The following FSIP1 variants were observed in gnomAD, a reference collection of about 807,000 sequenced individuals.
FSIP1 encodes the protein fibrous sheath interacting protein 1.
Under a neutral mutation model 60.9 loss-of-function variants are expected in FSIP1, and 65 were observed. The observed-to-expected ratio is 1.07, with a 90% CI of 0.87 to 1.31. FSIP1 has a LOEUF of 1.31. Ranked by LOEUF, FSIP1 falls within the 40% of genes most tolerant of loss-of-function variation. The pLI is 0.00. For synonymous variants in FSIP1, 209 were observed against 221.2 expected (o/e 0.94, Z 0.49); for missense variants, 675 against 665.5 (o/e 1.01, Z -0.16).
chr15:39,600,770 C>A lies in FSIP1; in HGVS notation c.*110G>T. 1 of 750,400 alleles carries A rather than the reference C, an allele frequency of 1.3e-6. No individual in the cohort carries two copies. Among genetic ancestry groups the A allele is most frequent in the Non-Finnish European group, 2.1e-6 (1 of 471,614 alleles). The allele number at this position is 750,400 out of a possible 1,614,324, so 46.5% of individuals were successfully genotyped here. A position where few individuals can be genotyped will look rare whatever the true frequency, so the allele number is the denominator to read the frequency against. ...AAAGAGCGACTCCAAATGTCAAAATCAATAAAGAATAGTCTCTGCAGTGCA... is the reference window on the plus strand; with the variant it reads ...AAAGAGCGACTCCAAATGTCAAAATAAATAAAGAATAGTCTCTGCAGTGCA... On this transcript the variant is annotated 3_prime_UTR_variant, in exon 12 of 12. Coordinates refer to ENST00000350221, the MANE Select transcript of FSIP1 (RefSeq NM_152597.5).
At chr15:39,668,138 C>T (rs1893569999) in intron 10 of FSIP1, among the ~76,000 whole-genome samples, 2 of 150,076 alleles carry the variant, frequency 1.3e-5, no homozygotes, top group African/African-American at 4.9e-5. Flanking sequence ...AGAAGTGGGC[C>T]GTTTTTAATG....
chr15:39,716,358 T>C (rs918949932), intron 9 of FSIP1, among the ~76,000 whole-genome samples: 2 of 152,200 alleles, frequency 1.3e-5, no homozygotes, highest in African/African-American at 4.8e-5. Flanking sequence ...AAATTATAAG[T>C]TGCACTTAAC....
intron 10 of FSIP1, among the ~76,000 whole-genome samples, chr15:39,680,624 G>A (rs77405765): frequency 0.032 from 4,909 of 152,248 alleles, 256 homozygotes; most frequent in African/African-American, 0.11. Context: ...AAGGTACAAG[G>A]AGCCTGGGTC....
intron 10 of FSIP1, among the ~76,000 whole-genome samples, chr15:39,701,886 T>C (rs1490715101): frequency 6.6e-6 from 1 of 152,142 alleles, no homozygotes; most frequent in Non-Finnish European, 1.5e-5. Flanking sequence ...TGTGGGAATT[T>C]ATTAAGGTCT....
chr15:39,733,629 A>C (rs771896463), intron 8 of FSIP1, among the ~76,000 whole-genome samples: 14 of 152,182 alleles, frequency 9.2e-5, no homozygotes, highest in Non-Finnish European at 2.1e-4. Context: ...CATACTGAAC[A>C]AATGGCTACG....
intron 10 of FSIP1, among the ~76,000 whole-genome samples, chr15:39,694,772 C>G (rs1053734020): frequency 1.3e-5 from 2 of 151,488 alleles, no homozygotes; most frequent in African/African-American, 4.9e-5. Flanking sequence ...TACACTCCAG[C>G]CAGTGAGACT....
Position 39,674,143 on chromosome 15 carries a change from C to T in FSIP1, c.1188+39301G>A, listed in dbSNP as rs377007661. Among the ~76,000 whole-genome samples, 565 of 151,982 alleles carry T rather than the reference C, an allele frequency of 3.7e-3. 4 individuals carry two copies. The highest frequency in any genetic ancestry group is 0.013 in the African/African-American group (542 of 41,428). On this transcript the variant is annotated intron_variant, in intron 10 of 11. Coordinates refer to ENST00000350221, the MANE Select transcript of FSIP1 (RefSeq NM_152597.5). Reference sequence around the variant, plus strand: ...GATCTCGGCTCACTGCAAGCTCCGCCTCCCGGGTTCATGCCATTCTCCTGC... The same window carrying T: ...GATCTCGGCTCACTGCAAGCTCCGCTTCCCGGGTTCATGCCATTCTCCTGC...
At chr15:39,762,891 A>C (rs1010965901) in intron 5 of FSIP1, among the ~76,000 whole-genome samples, 8 of 152,216 alleles carry the variant, frequency 5.3e-5, no homozygotes, top group African/African-American at 1.9e-4. Context: ...AAACTACCAC[A>C]CACATCTATT....
intron 8 of FSIP1, among the ~76,000 whole-genome samples, chr15:39,730,768 G>A (rs1367291144): frequency 2.6e-5 from 4 of 152,164 alleles, no homozygotes; most frequent in African/African-American, 9.7e-5. Flanking sequence ...AGAAGCAAAG[G>A]TGCAGGGAAA....
intron 10 of FSIP1, among the ~76,000 whole-genome samples, chr15:39,682,071 T>C (rs1488481846): frequency 6.6e-6 from 1 of 152,224 alleles, no homozygotes; most frequent in African/African-American, 2.4e-5. Flanking sequence ...CTGAAAGGCA[T>C]GCATATTATA....
chr15:39,764,224 C>A (rs189287996), intron 4 of FSIP1, among the ~76,000 whole-genome samples: 2 of 152,222 alleles, frequency 1.3e-5, no homozygotes, highest in Non-Finnish European at 2.9e-5. Context: ...TTAAAAATTT[C>A]AGACATTTCA....
chr15:39,710,326 T>TA lies in FSIP1; in HGVS notation c.1188+3117dup, dbSNP rs551424974. Among the ~76,000 whole-genome samples the TA allele has an allele frequency of 1.9e-3, 277 of 148,400 alleles. 1 individual carries two copies. Among genetic ancestry groups the TA allele is most frequent in the Non-Finnish European group, 3.4e-3 (228 of 67,570 alleles). On this transcript the variant is annotated intron_variant, in intron 10 of 11. Transcript: ENST00000350221. ...GGCAAACCCCCGTCTCTCCTAAATATAAAAAAATTAGCTGGTCATGGTGGC... is the reference window on the plus strand; with the variant it reads ...GGCAAACCCCCGTCTCTCCTAAATATAAAAAAAATTAGCTGGTCATGGTGGC...
intron 9 of FSIP1, among the ~76,000 whole-genome samples, chr15:39,714,607 C>T (rs1266447273): frequency 6.6e-6 from 1 of 151,426 alleles, no homozygotes; most frequent in African/African-American, 2.4e-5. Context: ...CAGTGAGCTT[C>T]AGAATCACCT....
intron 10 of FSIP1, among the ~76,000 whole-genome samples, chr15:39,678,449 T>G (rs933765759): frequency 5.3e-5 from 8 of 152,146 alleles, no homozygotes; most frequent in Non-Finnish European, 8.8e-5. Context: ...GCACATACTT[T>G]AAAAATAGTC....
intron 10 of FSIP1, among the ~76,000 whole-genome samples, chr15:39,620,356 C>A (rs184790165): frequency 1.3e-5 from 2 of 151,904 alleles, no homozygotes; most frequent in Non-Finnish European, 2.9e-5. Flanking sequence ...ATTACAGCAA[C>A]CCAATATATA....
At chr15:39,686,811 T>C (rs1324016233) in intron 10 of FSIP1, among the ~76,000 whole-genome samples, 1 of 152,254 alleles carries the variant, frequency 6.6e-6, no homozygotes, top group Non-Finnish European at 1.5e-5. Flanking sequence ...GGTGACATTA[T>C]TAGATTCAAA....
At chr15:39,656,828 T>A (rs896851113) in intron 10 of FSIP1, among the ~76,000 whole-genome samples, 4 of 152,184 alleles carry the variant, frequency 2.6e-5, no homozygotes, top group African/African-American at 9.7e-5. Context: ...AACAAGACAA[T>A]CATTTATTCT....
intron 9 of FSIP1, among the ~76,000 whole-genome samples, chr15:39,716,297 A>G (rs1038589162): frequency 8.5e-5 from 13 of 152,238 alleles, no homozygotes; most frequent in African/African-American, 2.9e-4. Context: ...ATCTACAACT[A>G]TGATTTTTTC....
intron 9 of FSIP1, 58 bp downstream of exon 9, chr15:39,726,531 A>G: frequency 5.7e-6 from 9 of 1,579,380 alleles, no homozygotes; most frequent in Non-Finnish European, 7.8e-6. Context: ...AGATTGTAAA[A>G]TTATGTGAAC....
Sources: allele counts gnomAD v4.1 joint callset (sites outside exome capture counted in the v4.1 genomes callset), GRCh38; gene constraint gnomAD v4.1.1; transcripts MANE v1.5; gene names NCBI Gene and HGNC (gene_info 2026-07-23, HGNC 2026-07-21).